ARMH4: variants seen among roughly 807,000 people sequenced by gnomAD.
The protein encoded by ARMH4 is armadillo-like helical domain-containing protein 4.
ARMH4 carries 49 observed loss-of-function variants against 61.9 expected under a neutral mutation model. The ratio of observed to expected loss-of-function variants is 0.79; its 90% CI spans 0.63 to 1.00. The LOEUF (loss-of-function observed/expected upper bound fraction) is 1.00. Among genes scored for constraint, ARMH4 ranks in the 50% least tolerant of loss-of-function variants. The pLI is 0.00. For synonymous variants in ARMH4, 368 were observed against 341.5 expected (o/e 1.08, Z -0.85); for missense variants, 934 against 930.0 (o/e 1.00, Z -0.06).
In ARMH4 at chr14:58,052,368, T is replaced by G. The variant is rs569360272; in HGVS notation, c.2090-40218A>C. Among the ~76,000 whole-genome samples the G allele has an allele frequency of 7.9e-5, 12 of 152,314 alleles. No individual in the cohort carries two copies. In the South Asian group the frequency reaches 2.5e-3, roughly 32 times the overall value. ...CACACAGTTCTCAAAAGAACTCTGC[T>G]GCTATCCCATTTTACAATGGAGGAA... On this transcript the variant is annotated intron_variant, in intron 5 of 7. Transcript: ENST00000267485.
intron 1 of ARMH4, among the ~76,000 whole-genome samples, chr14:58,140,675 C>T (rs992240737): frequency 1.3e-4 from 19 of 151,738 alleles, no homozygotes; most frequent in African/African-American, 3.9e-4. Flanking sequence ...CCAAGGCGGG[C>T]GGATCACCTG....
intron 5 of ARMH4, among the ~76,000 whole-genome samples, chr14:58,077,658 A>T (rs1384838552): frequency 6.6e-6 from 1 of 152,114 alleles, no homozygotes; most frequent in Non-Finnish European, 1.5e-5. Flanking sequence ...TGGCAAGAAC[A>T]CTCTGTATGG....
At chr14:58,085,787 G>A (rs969267306) in intron 5 of ARMH4, among the ~76,000 whole-genome samples, 2 of 152,114 alleles carry the variant, frequency 1.3e-5, no homozygotes, top group African/African-American at 2.4e-5. Flanking sequence ...GTTTCCAGAC[G>A]GCTCTTCCTA....
intron 5 of ARMH4, among the ~76,000 whole-genome samples, chr14:58,019,367 T>C (rs1882729450): frequency 6.6e-6 from 1 of 152,162 alleles, no homozygotes; most frequent in Non-Finnish European, 1.5e-5. Flanking sequence ...TGAATTTCAA[T>C]AGTCATGTTG....
chr14:58,003,790 C>A lies in ARMH4; in HGVS notation c.*946G>T, dbSNP rs536299781. 6.6e-6 allele frequency: 1 copy of A among 152,180 alleles called. No homozygotes were observed. Among genetic ancestry groups the A allele is most frequent in the Non-Finnish European group, 1.5e-5 (1 of 68,058 alleles). 9.4% of individuals were successfully genotyped at this position (152,180 alleles called of 1,614,324 possible). A position where few individuals can be genotyped will look rare whatever the true frequency, so the allele number is the denominator to read the frequency against. The stretch of plus-strand genomic sequence containing the variant: ...CCATATAAGGACCAATGGTAGCCCA[C>A]CTTTTCCATGGTGGAGTCCACAGAT... On this transcript the variant is annotated 3_prime_UTR_variant, in exon 8 of 8. Coordinates refer to ENST00000267485, the MANE Select transcript of ARMH4 (RefSeq NM_001001872.4).
chr14:58,056,260 G>A (rs960561529), intron 5 of ARMH4, among the ~76,000 whole-genome samples: 8 of 152,200 alleles, frequency 5.3e-5, no homozygotes, highest in African/African-American at 1.9e-4. Flanking sequence ...CATTCCCAAA[G>A]AAAATCATTC....
At chr14:58,114,273 A>C (rs1344267067) in intron 4 of ARMH4, among the ~76,000 whole-genome samples, 1 of 152,094 alleles carries the variant, frequency 6.6e-6, no homozygotes, top group Non-Finnish European at 1.5e-5. Context: ...TTAATGTGGA[A>C]ATTTTAGTCC....
At chr14:58,073,738 G>C (rs745703900) in intron 5 of ARMH4, among the ~76,000 whole-genome samples, 1 of 152,170 alleles carries the variant, frequency 6.6e-6, no homozygotes, top group East Asian at 1.9e-4. Flanking sequence ...GAGAAGAGAC[G>C]TGAGAAATCA....
intron 5 of ARMH4, among the ~76,000 whole-genome samples, chr14:58,051,137 T>G (rs1884127661): frequency 6.6e-6 from 1 of 151,234 alleles, no homozygotes; most frequent in African/African-American, 2.4e-5. Flanking sequence ...AAATCTACTA[T>G]TTGTTCTTAT....
At chr14:58,025,704 GT>G (rs946406486) in intron 5 of ARMH4, among the ~76,000 whole-genome samples, 6 of 152,100 alleles carry the variant, frequency 3.9e-5, no homozygotes, top group African/African-American at 1.4e-4. Flanking sequence ...TTATCTGCAT[GT>G]TTTTAAAGAA....
At chr14:58,009,878 T>C (rs1882333612) in intron 6 of ARMH4, among the ~76,000 whole-genome samples, 1 of 149,808 alleles carries the variant, frequency 6.7e-6, no homozygotes, top group Non-Finnish European at 1.5e-5. Flanking sequence ...GCCATTGTCA[T>C]TGGGGGTGGG....
chr14:58,014,829 C>G (rs1364630620), intron 5 of ARMH4, among the ~76,000 whole-genome samples: 1 of 152,094 alleles, frequency 6.6e-6, no homozygotes, highest in African/African-American at 2.4e-5. Flanking sequence ...AGGAGGAAAG[C>G]CAGTTGCTAG....
At chr14:58,010,470 T>C (rs1882366864) in intron 6 of ARMH4, among the ~76,000 whole-genome samples, 1 of 152,126 alleles carries the variant, frequency 6.6e-6, no homozygotes, top group African/African-American at 2.4e-5. Context: ...AAGATGAAGA[T>C]ATAGGCACAT....
chr14:58,007,710 A>G (rs767917392), intron 6 of ARMH4, among the ~76,000 whole-genome samples: 2 of 152,256 alleles, frequency 1.3e-5, no homozygotes, highest in East Asian at 1.9e-4. Context: ...ACATGCACAC[A>G]GTTTTAAGTT....
rs144802292 is a variant in ARMH4 at position 58,100,085 on chromosome 14, C to T, written c.1832-3104G>A. 6.2e-3 allele frequency among the ~76,000 whole-genome samples: 948 copies of T among 151,964 alleles called. 10 individuals carry two copies. Among genetic ancestry groups the T allele is most frequent in the African/African-American group, 0.022 (902 of 41,418 alleles). ...GGTTTGGATACATCCTCCCCTGAAA[C>T]GGTAGGAAAAAGGGAAGGCAGAGAA... On this transcript the variant is annotated intron_variant, in intron 4 of 7. Coordinates refer to ENST00000267485, the MANE Select transcript of ARMH4 (RefSeq NM_001001872.4).
At chr14:58,104,079 G>A (rs1176136918) in intron 4 of ARMH4, among the ~76,000 whole-genome samples, 3 of 152,166 alleles carry the variant, frequency 2.0e-5, no homozygotes, top group African/African-American at 4.8e-5. Context: ...AATGTGACTT[G>A]GAGGACACTG....
chr14:58,061,065 C>T (rs866651224), intron 5 of ARMH4, among the ~76,000 whole-genome samples: 10 of 152,236 alleles, frequency 6.6e-5, no homozygotes, highest in Middle Eastern at 6.8e-3. Flanking sequence ...CTTAGAATAA[C>T]ATCACATTCC....
intron 6 of ARMH4, among the ~76,000 whole-genome samples, chr14:58,007,151 T>C (rs964405429): frequency 6.6e-6 from 1 of 152,164 alleles, no homozygotes; most frequent in African/African-American, 2.4e-5. Flanking sequence ...GCCCAGATGA[T>C]TAGGCTTCTC....
At chr14:58,004,868 C>T in intron 7 of ARMH4, 64 bp from the exon 8 acceptor site, 1 of 1,552,884 alleles carries the variant, frequency 6.4e-7, no homozygotes, top group Admixed American at 1.7e-5. Flanking sequence ...GAGAAACAGG[C>T]CCACTTTAAA....
Sources: gnomAD v4.1 joint callset for allele counts (sites outside exome capture counted in the v4.1 genomes callset) on GRCh38, gnomAD v4.1.1 for gene constraint, MANE v1.5 for transcripts, NCBI Gene and HGNC (gene_info 2026-07-23, HGNC 2026-07-21) for gene names.